The following FARS2 variants were observed in gnomAD, a reference collection of about 807,000 sequenced individuals.
FARS2 encodes phenylalanyl-tRNA synthetase 2, mitochondrial, also known as phenylalanine--tRNA ligase, mitochondrial.
In FARS2, 40 loss-of-function variants were observed where a neutral mutation model predicts 46.4. That is an observed-to-expected ratio of 0.86 (90% CI 0.67 to 1.12). The LOEUF (loss-of-function observed/expected upper bound fraction) is 1.12. Ranked by LOEUF, FARS2 falls within the 50% of genes most tolerant of loss-of-function variation. FARS2 has a pLI of 0.00. For synonymous variants in FARS2, 234 were observed against 214.9 expected, an observed-to-expected ratio of 1.09 and a Z score of -0.78; for missense variants, 513 against 567.9, an observed-to-expected ratio of 0.90 and a Z score of 0.98.
chr6:5,369,181 A>AG lies in FARS2; in HGVS notation c.612+1dup. ...GCCGTGCGGCTCTTCTCCAAGCATG[A>AG]GGTGAGTCTTGAGATGTTTCTCATC... On this transcript the variant is annotated frameshift_variant and splice_region_variant, in exon 2 of 7. Transcript: ENST00000274680. LOFTEE classifies it high-confidence loss of function. 6.2e-7 allele frequency: 1 copy of AG among 1,604,626 alleles called. No homozygotes were observed. The highest frequency in any genetic ancestry group is 8.5e-7 in the Non-Finnish European group (1 of 1,179,560).
At chr6:5,640,442 G>A (rs569824220) in intron 6 of FARS2, among the ~76,000 whole-genome samples, 2 of 152,302 alleles carry the variant, frequency 1.3e-5, no homozygotes, top group Admixed American at 1.3e-4. Context: ...AGCTTCCCCC[G>A]AGTTGGAGCA....
chr6:5,266,170 T>C (rs762862441), intron 1 of FARS2, among the ~76,000 whole-genome samples: 1 of 152,170 alleles, frequency 6.6e-6, no homozygotes, highest in African/African-American at 2.4e-5. Flanking sequence ...GAAACCCTGA[T>C]TGAGGTCTAA....
chr6:5,454,624 G>A (rs776987397), intron 4 of FARS2, among the ~76,000 whole-genome samples: 4 of 152,158 alleles, frequency 2.6e-5, no homozygotes, highest in Admixed American at 1.3e-4. Flanking sequence ...GATTGCAGGC[G>A]TGAGCCACTG....
intron 6 of FARS2, among the ~76,000 whole-genome samples, chr6:5,725,653 G>A (rs1040957068): frequency 3.9e-5 from 6 of 152,180 alleles, no homozygotes; most frequent in Admixed American, 1.3e-4. Context: ...AGGTTAGCTG[G>A]GGCCAGGCAT....
At chr6:5,333,504 G>A (rs1432055488) in intron 1 of FARS2, among the ~76,000 whole-genome samples, 1 of 152,138 alleles carries the variant, frequency 6.6e-6, no homozygotes, top group Non-Finnish European at 1.5e-5. Context: ...GAAAGTTGTG[G>A]TTATTTTCTG....
intron 4 of FARS2, among the ~76,000 whole-genome samples, chr6:5,538,689 G>C (rs747173359): frequency 6.6e-6 from 1 of 152,092 alleles, no homozygotes; most frequent in Non-Finnish European, 1.5e-5. Context: ...CACAGGAGTC[G>C]CCAGTATTGT....
chr6:5,573,176 A>C (rs1772756505), intron 5 of FARS2, among the ~76,000 whole-genome samples: 1 of 152,160 alleles, frequency 6.6e-6, no homozygotes, highest in African/African-American at 2.4e-5. Flanking sequence ...GTTGTGATAC[A>C]GACTCTGTGC....
chr6:5,722,682 C>A (rs1759990013), intron 6 of FARS2, among the ~76,000 whole-genome samples: 1 of 152,082 alleles, frequency 6.6e-6, no homozygotes, highest in Non-Finnish European at 1.5e-5. Context: ...CTGATCGGGC[C>A]TGAGGAACCA....
chr6:5,537,117 A>G (rs1000384269), intron 4 of FARS2, among the ~76,000 whole-genome samples: 1 of 152,128 alleles, frequency 6.6e-6, no homozygotes, highest in African/African-American at 2.4e-5. Flanking sequence ...ATACAACCCA[A>G]GTACACTGCT....
At chr6:5,514,558 T>G (rs949621966) in intron 4 of FARS2, among the ~76,000 whole-genome samples, 4 of 152,244 alleles carry the variant, frequency 2.6e-5, no homozygotes, top group African/African-American at 4.8e-5. Flanking sequence ...ACTATTTTTG[T>G]TGAAACACAA....
chr6:5,525,187 C>G (rs551479013), intron 4 of FARS2, among the ~76,000 whole-genome samples: 1 of 150,472 alleles, frequency 6.6e-6, no homozygotes, highest in African/African-American at 2.5e-5. Flanking sequence ...TCCCAGCAAG[C>G]AGAGCTCCCC....
rs1322257557 is a variant in FARS2, at chr6:5,580,606, A to G, written c.1066-32563A>G. On this transcript the variant is annotated intron_variant, in intron 5 of 6. Transcript: ENST00000274680. The stretch of plus-strand genomic sequence containing the variant: ...CAGTTTCTCTCTGTAAAGTGGGTAT[A>G]ATGCCTCCCTCGCTCATATCACAAG... Among the ~76,000 whole-genome samples, 4 of 152,256 alleles carry G rather than the reference A, an allele frequency of 2.6e-5. No individual in the cohort carries two copies. The East Asian group carries it at 5.8e-4, about 22-fold the overall frequency.
chr6:5,594,433 C>T (rs1055301390), intron 5 of FARS2, among the ~76,000 whole-genome samples: 3 of 152,218 alleles, frequency 2.0e-5, no homozygotes, highest in African/African-American at 7.2e-5. Context: ...TTGTTTCTCC[C>T]TTCCTTCTTT....
At chr6:5,639,657 T>C (rs966648851) in intron 6 of FARS2, among the ~76,000 whole-genome samples, 1 of 152,210 alleles carries the variant, frequency 6.6e-6, no homozygotes, top group Non-Finnish European at 1.5e-5. Flanking sequence ...TCTATCCACA[T>C]TTGTTCTTTA....
rs192963242 is a variant in FARS2, at chr6:5,630,689, G to A, written c.1217+17369G>A. ...AGGGTGGGATAAGATGGCTGAAAGCGCTCCTGTCAGCCCTCTCTGAGAAGG... is the reference window on the plus strand; with the variant it reads ...AGGGTGGGATAAGATGGCTGAAAGCACTCCTGTCAGCCCTCTCTGAGAAGG... On this transcript the variant is annotated intron_variant, in intron 6 of 6. Transcript: ENST00000274680. This position sits in a 1 kb window ranked among gnomAD's most constrained non-coding sequence, Gnocchi z 4.2. Among the ~76,000 whole-genome samples the A allele has an allele frequency of 9.2e-5, 14 of 152,274 alleles. No homozygotes were observed. The highest frequency in any genetic ancestry group is 1.9e-4 in the East Asian group (1 of 5,170).
At chr6:5,682,137 A>T (rs574427132) in intron 6 of FARS2, among the ~76,000 whole-genome samples, 1 of 152,372 alleles carries the variant, frequency 6.6e-6, no homozygotes, top group Admixed American at 6.5e-5. Flanking sequence ...AGCAAATTAT[A>T]GTACATCACC....
At chr6:5,539,211 CTT>C (rs1260332909) in intron 4 of FARS2, among the ~76,000 whole-genome samples, 3 of 143,422 alleles carry the variant, frequency 2.1e-5, no homozygotes, top group Non-Finnish European at 3.1e-5. Context: ...GTGAACATTT[CTT>C]TTTTTTTTTT....
At chr6:5,644,639 C>T (rs952259183) in intron 6 of FARS2, among the ~76,000 whole-genome samples, 3 of 152,214 alleles carry the variant, frequency 2.0e-5, no homozygotes, top group Admixed American at 6.5e-5. Context: ...GGATTACAGG[C>T]GTGAGTCACC....
At chr6:5,518,273 C>T (rs1447817481) in intron 4 of FARS2, among the ~76,000 whole-genome samples, 1 of 152,098 alleles carries the variant, frequency 6.6e-6, no homozygotes, top group Non-Finnish European at 1.5e-5. Flanking sequence ...CTCTTGGATT[C>T]CTGTTTTGGG....
Sources: allele counts gnomAD v4.1 joint callset (sites outside exome capture counted in the v4.1 genomes callset), GRCh38; gene constraint gnomAD v4.1.1; non-coding constraint Gnocchi (gnomAD v3.1); transcripts MANE v1.5; gene names NCBI Gene and HGNC (gene_info 2026-07-23, HGNC 2026-07-21).